Variants in AGBL4 observed in about 807,000 individuals in gnomAD.
The protein encoded by AGBL4 is AGBL carboxypeptidase 4, also known as cytosolic carboxypeptidase 6.
Under a neutral mutation model 66.4 loss-of-function variants are expected in AGBL4, and 58 were observed. The observed-to-expected ratio is 0.87, with a 90% CI of 0.71 to 1.09. The LOEUF is 1.09. Ranked by LOEUF, AGBL4 falls within the 50% of genes least tolerant of loss-of-function variation. AGBL4 has a pLI of 0.00. For missense variants in AGBL4, 579 were observed against 631.0 expected (o/e 0.92, Z 0.88); for synonymous variants, 234 against 222.9 (o/e 1.05, Z -0.44).
chr1:48,611,148 C>T (rs1021901925), intron 9 of AGBL4, among the ~76,000 whole-genome samples: 4 of 152,244 alleles, frequency 2.6e-5, no homozygotes, highest in Non-Finnish European at 5.9e-5. Flanking sequence ...TTGTGAAAAA[C>T]GGATAGGCCG....
intron 11 of AGBL4, among the ~76,000 whole-genome samples, chr1:48,574,930 G>A (rs142324247): frequency 7.8e-4 from 119 of 152,300 alleles, no homozygotes; most frequent in African/African-American, 2.8e-3. Context: ...GGGAGAGTTT[G>A]TGCTCCTGTA....
chr1:50,014,543 T>C (rs1661814278), intron 1 of AGBL4, among the ~76,000 whole-genome samples: 1 of 143,394 alleles, frequency 7.0e-6, no homozygotes, highest in Admixed American at 6.9e-5. Flanking sequence ...TTTCTTTTTT[T>C]TTTTTTTTTT....
intron 3 of AGBL4, among the ~76,000 whole-genome samples, chr1:49,655,484 A>G (rs1646106301): frequency 6.6e-6 from 1 of 152,196 alleles, no homozygotes; most frequent in African/African-American, 2.4e-5. Context: ...AGGCAGAAAT[A>G]AAGATGTTCT....
intron 3 of AGBL4, among the ~76,000 whole-genome samples, chr1:49,304,886 C>A (rs544260930): frequency 5.3e-5 from 8 of 152,204 alleles, no homozygotes; most frequent in African/African-American, 1.9e-4. Context: ...TGTATGTTAT[C>A]TTTGTTGCAC....
At position 48,653,448 on chromosome 1, in the gene AGBL4, A is replaced by G. The variant is rs375321264; in HGVS notation, c.728T>C (p.Ile243Thr). The change falls in exon 8 of 14, where the codon ATC (isoleucine) becomes ACC (threonine). Residue 243 changes from isoleucine to threonine, a missense_variant. Physicochemically the swap from Ile to Thr is moderately conservative, Grantham distance 89 (BLOSUM62 -1). Transcript: ENST00000371839. Reference protein sequence around the residue: ...ETPSSFVCQGIIDFLVSQHPI... With the variant: ...ETPSSFVCQGTIDFLVSQHPI... ...GTGCTGGCTTACAAGGAAGTCAATG[A>G]TCCCTAGGGAAAGAGAAGAGCCCGG... 1.2e-4 allele frequency: 191 copies of G among 1,567,684 alleles called. No individual in the cohort carries two copies. Among genetic ancestry groups the G allele is most frequent in the Non-Finnish European group, 1.6e-4 (180 of 1,155,132 alleles).
At chr1:49,837,264 G>A (rs1172459279) in intron 2 of AGBL4, among the ~76,000 whole-genome samples, 1 of 152,194 alleles carries the variant, frequency 6.6e-6, no homozygotes, top group Non-Finnish European at 1.5e-5. Context: ...CCAGAGAGGA[G>A]GATTCTAGAG....
At chr1:49,161,659 C>A (rs1488365311) in intron 4 of AGBL4, among the ~76,000 whole-genome samples, 2 of 152,164 alleles carry the variant, frequency 1.3e-5, no homozygotes, top group African/African-American at 4.8e-5. Flanking sequence ...CCCCTCCTGG[C>A]CTTTGTGATT....
chr1:49,917,213 A>C (rs1557577462), intron 1 of AGBL4, among the ~76,000 whole-genome samples: 1 of 152,190 alleles, frequency 6.6e-6, no homozygotes, highest in African/African-American at 2.4e-5. Context: ...TCATCATGAC[A>C]GGATCAAATT....
At chr1:49,476,714 T>C (rs1387572084) in intron 3 of AGBL4, among the ~76,000 whole-genome samples, 1 of 152,094 alleles carries the variant, frequency 6.6e-6, no homozygotes, top group Non-Finnish European at 1.5e-5. Context: ...TTATGTAATA[T>C]AAGAATAGTG....
chr1:49,598,144 G>A (rs1192240773), intron 3 of AGBL4, among the ~76,000 whole-genome samples: 1 of 152,152 alleles, frequency 6.6e-6, no homozygotes, highest in Non-Finnish European at 1.5e-5. Flanking sequence ...TATATTTTCT[G>A]TGGGTTTGTC....
chr1:49,938,193 T>C (rs1654315101), intron 1 of AGBL4, among the ~76,000 whole-genome samples: 1 of 151,960 alleles, frequency 6.6e-6, no homozygotes, highest in Admixed American at 6.6e-5. Context: ...AAATACAAAC[T>C]ACCATCAGAG....
chr1:49,693,596 A>G (rs1383363100), intron 3 of AGBL4, among the ~76,000 whole-genome samples: 3 of 152,120 alleles, frequency 2.0e-5, no homozygotes, highest in African/African-American at 7.2e-5. Flanking sequence ...GTAAAATTGT[A>G]ATTTTTGTGT....
At chr1:48,951,890 C>T (rs965001218) in intron 5 of AGBL4, among the ~76,000 whole-genome samples, 6 of 152,188 alleles carry the variant, frequency 3.9e-5, no homozygotes, top group African/African-American at 1.4e-4. Flanking sequence ...TGATTTATGT[C>T]TACAATGGCC....
At chr1:49,203,904 T>C (rs916375386) in intron 4 of AGBL4, among the ~76,000 whole-genome samples, 2 of 152,224 alleles carry the variant, frequency 1.3e-5, no homozygotes, top group South Asian at 2.1e-4. Flanking sequence ...TATTGTACAC[T>C]TAAACTTGTT....
rs550584410 is a variant in AGBL4 at position 49,716,094 on chromosome 1, T to C, written c.158-18657A>G. Among the ~76,000 whole-genome samples, 8 of 152,300 alleles carry C rather than the reference T, an allele frequency of 5.3e-5. No homozygotes were observed. The South Asian group carries it at 1.2e-3, about 24-fold the overall frequency. ...GTTTTTATGGTTTTAGGTCTTATGT[T>C]GAAGTCTTTAATCCATCTTAAGTTA... is the stretch of plus-strand genomic sequence containing the variant. On this transcript the variant is annotated intron_variant, in intron 2 of 13. Transcript: ENST00000371839.
In AGBL4 at chr1:49,103,177, G is replaced by A. The variant is rs78141416; in HGVS notation, c.378-57377C>T. 1.5e-3 allele frequency among the ~76,000 whole-genome samples: 232 copies of A among 152,290 alleles called. 9 individuals carry two copies. In the East Asian group the frequency reaches 0.038, roughly 25 times the overall value. On this transcript the variant is annotated intron_variant, in intron 4 of 13. Transcript: ENST00000371839. The stretch of plus-strand genomic sequence containing the variant: ...AATAGTTTCTGTCTTTGGGACCCCA[G>A]ATTGAGAATTTGGGATTAGAGTCTA...
chr1:49,421,652 A>G (rs947519728), intron 3 of AGBL4, among the ~76,000 whole-genome samples: 6 of 152,226 alleles, frequency 3.9e-5, no homozygotes, highest in African/African-American at 1.4e-4. Context: ...TTAAGCATTT[A>G]TTAAGTGCCA....
intron 1 of AGBL4, among the ~76,000 whole-genome samples, chr1:49,928,283 ACT>A (rs1304270003): frequency 6.6e-6 from 1 of 151,892 alleles, no homozygotes. Flanking sequence ...ACGGAGTCTC[ACT>A]CTGTCGCCAG....
At chr1:49,727,560 A>G (rs1051998877) in intron 2 of AGBL4, among the ~76,000 whole-genome samples, 5 of 151,934 alleles carry the variant, frequency 3.3e-5, no homozygotes, top group Admixed American at 6.5e-5. Context: ...ATTGAAATGC[A>G]TATGATTGAC....
Sources: allele counts gnomAD v4.1 joint callset (sites outside exome capture counted in the v4.1 genomes callset), GRCh38; gene constraint gnomAD v4.1.1; transcripts MANE v1.5; gene names NCBI Gene and HGNC (gene_info 2026-07-23, HGNC 2026-07-21).